SPIDR: variants seen among roughly 807,000 people sequenced by gnomAD.
SPIDR encodes the protein DNA repair-scaffolding protein.
In SPIDR, 93 loss-of-function variants were observed where a neutral mutation model predicts 104.6. The ratio of observed to expected loss-of-function variants is 0.89; its 90% CI spans 0.75 to 1.06. The LOEUF is 1.06. SPIDR is among the 50% of genes least tolerant of loss of function. SPIDR has a pLI of 0.00. For missense variants in SPIDR, 1,154 were observed against 1,111.2 expected, an observed-to-expected ratio of 1.04 and a Z score of -0.55; for synonymous variants, 431 against 416.9, an observed-to-expected ratio of 1.03 and a Z score of -0.41.
At chr8:47,550,247 AG>A (rs757209784) in intron 8 of SPIDR, among the ~76,000 whole-genome samples, 3 of 152,158 alleles carry the variant, frequency 2.0e-5, no homozygotes, top group Non-Finnish European at 2.9e-5. Context: ...TTTGCTATGC[AG>A]GCTCCTTTTT....
At chr8:47,550,179 T>A (rs1587603232) in intron 8 of SPIDR, among the ~76,000 whole-genome samples, 1 of 152,332 alleles carries the variant, frequency 6.6e-6, no homozygotes, top group Non-Finnish European at 1.5e-5. Context: ...CCTTGTAGTA[T>A]AGTTTAAAGT....
chr8:47,522,961 T>G (rs982818566), intron 8 of SPIDR, among the ~76,000 whole-genome samples: 2 of 151,844 alleles, frequency 1.3e-5, no homozygotes, highest in Non-Finnish European at 2.9e-5. Flanking sequence ...TGTGTGTGTG[T>G]GGTTTGCTTT....
At chr8:47,611,731 A>G (rs533340128) in intron 10 of SPIDR, among the ~76,000 whole-genome samples, 2 of 152,174 alleles carry the variant, frequency 1.3e-5, no homozygotes, top group Admixed American at 6.5e-5. Context: ...TCAGTCGATA[A>G]TGATGTAAGG....
chr8:47,502,400 T>A (rs1162363260), intron 8 of SPIDR, among the ~76,000 whole-genome samples: 2 of 152,256 alleles, frequency 1.3e-5, no homozygotes, highest in Non-Finnish European at 2.9e-5. Context: ...TTTATCCATT[T>A]CTTCTAGATT....
chr8:47,545,006 G>A (rs2088987734), intron 8 of SPIDR, among the ~76,000 whole-genome samples: 1 of 151,428 alleles, frequency 6.6e-6, no homozygotes, highest in South Asian at 2.1e-4. Context: ...TTAGCATTTT[G>A]TAGCTTTAGC....
intron 10 of SPIDR, among the ~76,000 whole-genome samples, chr8:47,605,616 T>C (rs1190963175): frequency 6.6e-6 from 1 of 152,168 alleles, no homozygotes; most frequent in African/African-American, 2.4e-5. Context: ...TGGTGTGGGT[T>C]CACTGGTGAC....
At chr8:47,505,082 G>A (rs2081263050) in intron 8 of SPIDR, among the ~76,000 whole-genome samples, 1 of 152,204 alleles carries the variant, frequency 6.6e-6, no homozygotes, top group Non-Finnish European at 1.5e-5. Flanking sequence ...AGGGGTCAGA[G>A]ACCCACTTGA....
At chr8:47,575,909 G>A (rs1391257019) in intron 8 of SPIDR, among the ~76,000 whole-genome samples, 3 of 150,282 alleles carry the variant, frequency 2.0e-5, no homozygotes, top group East Asian at 1.9e-4. Flanking sequence ...GCAGTGAGCC[G>A]AGATCGCGCC....
chr8:47,520,376 T>C (rs952000390), intron 8 of SPIDR, among the ~76,000 whole-genome samples: 1 of 152,212 alleles, frequency 6.6e-6, no homozygotes, highest in Admixed American at 6.5e-5. Context: ...GAGTGTCTGA[T>C]ATGAATTGAA....
intron 5 of SPIDR, among the ~76,000 whole-genome samples, chr8:47,334,243 C>T (rs1426468822): frequency 6.6e-6 from 1 of 152,010 alleles, no homozygotes; most frequent in African/African-American, 2.4e-5. Context: ...ATGTATTCTG[C>T]TATTGTTGGA....
intron 5 of SPIDR, among the ~76,000 whole-genome samples, chr8:47,323,579 C>G (rs553344196): frequency 6.6e-6 from 1 of 152,282 alleles, no homozygotes; most frequent in African/African-American, 2.4e-5. Context: ...AATGCTTGGC[C>G]TTAAGCAGGT....
At chr8:47,652,579 C>T (rs772499783) in intron 10 of SPIDR, among the ~76,000 whole-genome samples, 27 of 152,134 alleles carry the variant, frequency 1.8e-4, no homozygotes, top group African/African-American at 5.1e-4. Flanking sequence ...GAATATGGTT[C>T]GTCTTCAAAT....
chr8:47,353,123 A>C (rs2053874158), intron 5 of SPIDR, among the ~76,000 whole-genome samples: 1 of 151,638 alleles, frequency 6.6e-6, no homozygotes, highest in Non-Finnish European at 1.5e-5. Context: ...TAATTTTGTT[A>C]AATTTTTATT....
chr8:47,285,031 A>G (rs1328087439), intron 3 of SPIDR, among the ~76,000 whole-genome samples: 1 of 152,236 alleles, frequency 6.6e-6, no homozygotes, highest in Non-Finnish European at 1.5e-5. Flanking sequence ...TAAGCTAAAC[A>G]TTCGCAGTCT....
intron 16 of SPIDR, among the ~76,000 whole-genome samples, chr8:47,722,579 T>A (rs1306615774): frequency 6.6e-6 from 1 of 152,234 alleles, no homozygotes; most frequent in Non-Finnish European, 1.5e-5. Flanking sequence ...ATTACACTCT[T>A]CTTTTCCATC....
intron 5 of SPIDR, among the ~76,000 whole-genome samples, chr8:47,313,231 A>G (rs2044572778): frequency 6.6e-6 from 1 of 152,186 alleles, no homozygotes; most frequent in Non-Finnish European, 1.5e-5. Flanking sequence ...TACAAAATCA[A>G]TTTGCAAAAA....
At chr8:47,457,276 TTGATGTTTTGATTA>T (rs2073149073) in intron 8 of SPIDR, among the ~76,000 whole-genome samples, 1 of 152,144 alleles carries the variant, frequency 6.6e-6, no homozygotes, top group South Asian at 2.1e-4. Flanking sequence ...CTATTATTTT[TTGATGTTTTGATTA>T]TGGCCATTCT....
rs1469209075 is a variant in SPIDR at position 47,673,651 on chromosome 8, T to C, written c.1545-150T>C. ...TGACTACAGTGGATTTCTTTTTTTTTTCCCCCCTTGGTTTTTCTTTACTTT... is the reference window on the plus strand; with the variant it reads ...TGACTACAGTGGATTTCTTTTTTTTCTCCCCCCTTGGTTTTTCTTTACTTT... On this transcript the variant is annotated intron_variant, in intron 10 of 19. Coordinates refer to ENST00000297423, the MANE Select transcript of SPIDR (RefSeq NM_001080394.4). 1.0e-4 allele frequency: 105 copies of C among 1,046,114 alleles called. 1 individual carries two copies. In the South Asian group the frequency reaches 1.4e-3, roughly 14 times the overall value. The allele number at this position is 1,046,114 out of a possible 1,614,324, so 64.8% of individuals were successfully genotyped here.
rs781987881 is a variant in SPIDR, at chr8:47,396,627, G to T, written c.776+1G>T. 1 of 1,609,060 alleles carries T rather than the reference G, an allele frequency of 6.2e-7. No homozygotes were observed. Among genetic ancestry groups the T allele is most frequent in the East Asian group, 2.2e-5 (1 of 44,822 alleles). ...ATTCAGCAAAGAAGAAGCTTTTAAG[G>T]TTAAATTATACCCTTTTAAATACTC... On this transcript the variant is annotated splice_donor_variant, in intron 6 of 19. Coordinates refer to ENST00000297423, the MANE Select transcript of SPIDR (RefSeq NM_001080394.4). LOFTEE classifies it high-confidence loss of function.
Sources: allele counts gnomAD v4.1 joint callset (sites outside exome capture counted in the v4.1 genomes callset), GRCh38; gene constraint gnomAD v4.1.1; transcripts MANE v1.5; gene names NCBI Gene and HGNC (gene_info 2026-07-23, HGNC 2026-07-21).